The following CAMTA1 variants were observed in gnomAD, a reference collection of about 807,000 sequenced individuals.
CAMTA1 encodes calmodulin-binding transcription activator 1.
CAMTA1 carries 27 observed loss-of-function variants against 170.9 expected under a neutral mutation model. That is an observed-to-expected ratio of 0.16 (90% CI 0.12 to 0.22). CAMTA1 has a LOEUF of 0.22. Among genes scored for constraint, CAMTA1 ranks in the 10% least tolerant of loss-of-function variants. CAMTA1 has a pLI of 1.00. For synonymous variants in CAMTA1, 833 were observed against 891.5 expected, an observed-to-expected ratio of 0.93 and a Z score of 1.17; for missense variants, 1,619 against 2,217.2, an observed-to-expected ratio of 0.73 and a Z score of 5.42.
At chr1:7,590,819 C>T (rs1197538464) in intron 6 of CAMTA1, among the ~76,000 whole-genome samples, 3 of 152,202 alleles carry the variant, frequency 2.0e-5, no homozygotes, top group East Asian at 1.9e-4. Flanking sequence ...AGGGGAGTTT[C>T]CCCAGAGCTG....
rs139980303 is a variant in CAMTA1 at position 6,851,008 on chromosome 1, C to G, written c.234+25798C>G. 3.1e-3 allele frequency among the ~76,000 whole-genome samples: 476 copies of G among 152,310 alleles called. 4 individuals carry two copies. Among genetic ancestry groups the G allele is most frequent in the African/African-American group, 0.011 (438 of 41,576 alleles). On this transcript the variant is annotated intron_variant, in intron 3 of 22. Transcript: ENST00000303635. ...TCATTAATAGAAGAAGATAACATCA[C>G]TCAGAACCTCAGATGAGCTCTATGT...
intron 5 of CAMTA1, among the ~76,000 whole-genome samples, chr1:7,313,757 C>T (rs1677088400): frequency 6.6e-6 from 1 of 151,990 alleles, no homozygotes; most frequent in Non-Finnish European, 1.5e-5. Flanking sequence ...TTATAATTTT[C>T]TTTATAAATT....
At chr1:6,911,531 T>A (rs1190357550) in intron 3 of CAMTA1, among the ~76,000 whole-genome samples, 1 of 151,808 alleles carries the variant, frequency 6.6e-6, no homozygotes, top group Non-Finnish European at 1.5e-5. Flanking sequence ...TTGAGCCATC[T>A]CTGTAAATGA....
At chr1:7,462,711 C>T (rs1171513549) in intron 5 of CAMTA1, among the ~76,000 whole-genome samples, 2 of 152,128 alleles carry the variant, frequency 1.3e-5, no homozygotes, top group African/African-American at 4.8e-5. Context: ...GCATCCCCAC[C>T]CCATTCCTCC....
At chr1:6,987,173 T>G (rs530813008) in intron 3 of CAMTA1, among the ~76,000 whole-genome samples, 2 of 151,492 alleles carry the variant, frequency 1.3e-5, no homozygotes, top group South Asian at 4.2e-4. Flanking sequence ...GTTTTGTTTT[T>G]TTTTTTTGAG....
Position 7,463,291 on chromosome 1 carries a change from G to T in CAMTA1, c.439-4539G>T, listed in dbSNP as rs1015940384. Among the ~76,000 whole-genome samples the T allele has an allele frequency of 2.0e-5, 3 of 152,176 alleles. No individual in the cohort carries two copies. Among genetic ancestry groups the T allele is most frequent in the Admixed American group, 2.0e-4 (3 of 15,280 alleles). ...GTGGAAGGAAAGGGATGGAGGGTGTGTGTGTGTCAGACACAGAGACAGGGA... is the reference window on the plus strand; with the variant it reads ...GTGGAAGGAAAGGGATGGAGGGTGTTTGTGTGTCAGACACAGAGACAGGGA... On this transcript the variant is annotated intron_variant, in intron 5 of 22. Transcript: ENST00000303635. This position sits in a 1 kb window ranked among gnomAD's most constrained non-coding sequence, Gnocchi z 4.7.
intron 5 of CAMTA1, among the ~76,000 whole-genome samples, chr1:7,276,293 ATATATATATATT>A (rs1670616761): frequency 4.5e-5 from 1 of 22,058 alleles, no homozygotes; most frequent in Non-Finnish European, 6.7e-5. Context: ...ATATATATAT[ATATATATATATT>A]TTTTTTTTTT....
chr1:7,576,165 C>T (rs12074393), intron 6 of CAMTA1, among the ~76,000 whole-genome samples: 1,972 of 152,198 alleles, frequency 0.013, 47 homozygotes, highest in African/African-American at 0.045. Flanking sequence ...CCCACCACCA[C>T]GCCTGGCTAA....
intron 7 of CAMTA1, among the ~76,000 whole-genome samples, chr1:7,654,683 GCACA>G (rs1341331139): frequency 1.7e-5 from 2 of 115,278 alleles, no homozygotes; most frequent in African/African-American, 6.9e-5. Flanking sequence ...CACACTCCAT[GCACA>G]CAAACACCCC....
intron 6 of CAMTA1, among the ~76,000 whole-genome samples, chr1:7,485,909 A>G (rs971840504): frequency 1.4e-4 from 21 of 152,320 alleles, no homozygotes; most frequent in African/African-American, 4.8e-4. Flanking sequence ...CCAGCTTCTC[A>G]GGCCACCCCG....
chr1:7,565,342 G>T lies in CAMTA1; in HGVS notation c.511-75058G>T, dbSNP rs1375801382. Among the ~76,000 whole-genome samples the T allele has an allele frequency of 1.3e-5, 2 of 152,174 alleles. No individual in the cohort carries two copies. The highest frequency in any genetic ancestry group is 1.3e-4 in the Admixed American group (2 of 15,290). ...GAGGCAGGCTGTGGGGCAGTGGGGTGAGTCTCTGAGCAGGGGCAGAAGGCT... is the reference window on the plus strand; with the variant it reads ...GAGGCAGGCTGTGGGGCAGTGGGGTTAGTCTCTGAGCAGGGGCAGAAGGCT... On this transcript the variant is annotated intron_variant, in intron 6 of 22. Transcript: ENST00000303635. The surrounding 1 kb of genome is among the most constrained non-coding windows in gnomAD (Gnocchi z 4.5).
intron 4 of CAMTA1, among the ~76,000 whole-genome samples, chr1:7,231,352 A>T (rs11811140): frequency 0.1 from 10,323 of 101,796 alleles, 579 homozygotes; most frequent in African/African-American, 0.19. Context: ...TGTGTGTGTG[A>T]GAGAGAGAGA....
At chr1:7,567,408 G>A (rs932293222) in intron 6 of CAMTA1, among the ~76,000 whole-genome samples, 2 of 152,274 alleles carry the variant, frequency 1.3e-5, no homozygotes, top group Non-Finnish European at 2.9e-5. Context: ...GCAGGCAGAA[G>A]CAGAGGTAAG....
chr1:7,232,970 C>T (rs1480388756), intron 4 of CAMTA1, among the ~76,000 whole-genome samples: 2 of 150,870 alleles, frequency 1.3e-5, no homozygotes, highest in Non-Finnish European at 2.9e-5. Flanking sequence ...TTTTTCCCTC[C>T]CACCGAGACG....
At chr1:6,994,779 C>A (rs1391234790) in intron 3 of CAMTA1, among the ~76,000 whole-genome samples, 1 of 152,108 alleles carries the variant, frequency 6.6e-6, no homozygotes, top group Non-Finnish European at 1.5e-5. Context: ...ACGATCCTCT[C>A]CCCTCAGCCT....
At chr1:7,361,018 T>G (rs1371642626) in intron 5 of CAMTA1, among the ~76,000 whole-genome samples, 3 of 152,130 alleles carry the variant, frequency 2.0e-5, no homozygotes, top group African/African-American at 7.2e-5. Flanking sequence ...GCTGTGGGTG[T>G]TAGAGTGTTG....
intron 5 of CAMTA1, among the ~76,000 whole-genome samples, chr1:7,374,848 G>A (rs2086727162): frequency 6.6e-6 from 1 of 152,176 alleles, no homozygotes; most frequent in Non-Finnish European, 1.5e-5. Flanking sequence ...GATGAGACAC[G>A]TGGCTTCTGG....
intron 4 of CAMTA1, among the ~76,000 whole-genome samples, chr1:7,158,989 T>G (rs903792517): frequency 2.6e-5 from 4 of 152,120 alleles, no homozygotes; most frequent in Non-Finnish European, 5.9e-5. Flanking sequence ...GGGTAATGGG[T>G]CTTCTTTTAT....
chr1:7,453,258 A>G (rs1303930536), intron 5 of CAMTA1, among the ~76,000 whole-genome samples: 2 of 152,240 alleles, frequency 1.3e-5, no homozygotes, highest in Non-Finnish European at 2.9e-5. Flanking sequence ...CCCAGAAAGC[A>G]CATGGCCCAG....
Sources: gnomAD v4.1 joint callset for allele counts (sites outside exome capture counted in the v4.1 genomes callset) on GRCh38, gnomAD v4.1.1 for gene constraint, Gnocchi (gnomAD v3.1) non-coding constraint, MANE v1.5 for transcripts, NCBI Gene and HGNC (gene_info 2026-07-23, HGNC 2026-07-21) for gene names.